Variants in CCDC149 observed in about 807,000 individuals in gnomAD.
CCDC149 encodes coiled-coil domain-containing protein 149.
A neutral mutation model predicts 59.9 loss-of-function variants in CCDC149; 45 were observed. The observed-to-expected ratio is 0.75, with a 90% CI of 0.59 to 0.96. The LOEUF (loss-of-function observed/expected upper bound fraction) is 0.96. Ranked by LOEUF, CCDC149 falls within the 40% of genes least tolerant of loss-of-function variation. The pLI, the probability that CCDC149 is intolerant of heterozygous loss-of-function variation, is 0.00. For missense variants in CCDC149, 584 were observed against 664.7 expected, an observed-to-expected ratio of 0.88 and a Z score of 1.33; for synonymous variants, 245 against 260.6, an observed-to-expected ratio of 0.94 and a Z score of 0.58.
intron 1 of CCDC149, among the ~76,000 whole-genome samples, chr4:24,961,760 T>A (rs965252106): frequency 1.3e-5 from 2 of 152,194 alleles, no homozygotes; most frequent in Non-Finnish European, 2.9e-5. Context: ...TAGCCATATG[T>A]AGAAAGCTGA....
chr4:24,935,466 C>G (rs1457551127), intron 1 of CCDC149, among the ~76,000 whole-genome samples: 1 of 152,094 alleles, frequency 6.6e-6, no homozygotes, highest in African/African-American at 2.4e-5. Context: ...ATGTTAAAAC[C>G]TAACCCCCAA....
chr4:24,840,286 C>T (rs113435663), intron 4 of CCDC149, among the ~76,000 whole-genome samples: 2,081 of 152,226 alleles, frequency 0.014, 52 homozygotes, highest in African/African-American at 0.047. Context: ...TGGAACAGAC[C>T]GTGCAAAGGC....
intron 3 of CCDC149, among the ~76,000 whole-genome samples, chr4:24,871,002 G>A (rs896280402): frequency 1.7e-4 from 24 of 139,328 alleles, no homozygotes; most frequent in East Asian, 1.1e-3. Context: ...CTGAGATAGC[G>A]CCACCGCACT....
At chr4:24,850,885 A>G (rs919353583) in intron 4 of CCDC149, among the ~76,000 whole-genome samples, 3 of 151,964 alleles carry the variant, frequency 2.0e-5, no homozygotes, top group Non-Finnish European at 4.4e-5. Flanking sequence ...GACTCACATG[A>G]GCCTGAAAAT....
intron 1 of CCDC149, among the ~76,000 whole-genome samples, chr4:24,901,533 A>C (rs1460481601): frequency 6.6e-6 from 1 of 152,196 alleles, no homozygotes; most frequent in Non-Finnish European, 1.5e-5. Flanking sequence ...CACAGGAGAG[A>C]ACATGAATCC....
At chr4:24,862,321 GC>G (rs1329687568) in intron 3 of CCDC149, among the ~76,000 whole-genome samples, 8 of 152,200 alleles carry the variant, frequency 5.3e-5, no homozygotes, top group Non-Finnish European at 1.2e-4. Flanking sequence ...CCATGGAGAA[GC>G]ATCTGTAGAA....
rs1714179021 is a variant in CCDC149 at position 24,806,454 on chromosome 4, T to G, written c.*1935A>C. The G allele has an allele frequency of 6.6e-6, 1 of 152,222 alleles. No individual in the cohort carries two copies. Among genetic ancestry groups the G allele is most frequent in the Admixed American group, 6.5e-5 (1 of 15,278 alleles). The allele number at this position is 152,222 out of a possible 1,614,324, so 9.4% of individuals were successfully genotyped here. A position where few individuals can be genotyped will look rare whatever the true frequency, so the allele number is the denominator to read the frequency against. Reference sequence around the variant, plus strand: ...AGGTGCTCAACAGGCCCTGAAGATGTGCATCTGGCCGATGGTGGGTCAAAA... The same window carrying G: ...AGGTGCTCAACAGGCCCTGAAGATGGGCATCTGGCCGATGGTGGGTCAAAA... On this transcript the variant is annotated 3_prime_UTR_variant, in exon 13 of 13. Transcript: ENST00000635206.
chr4:24,950,259 C>T (rs746658859), intron 1 of CCDC149, among the ~76,000 whole-genome samples: 18 of 152,224 alleles, frequency 1.2e-4, no homozygotes, highest in Non-Finnish European at 2.2e-4. Flanking sequence ...CAGTCTTTGC[C>T]ACTTGCTGCC....
At chr4:24,849,645 A>G (rs528021065) in intron 4 of CCDC149, among the ~76,000 whole-genome samples, 2 of 152,354 alleles carry the variant, frequency 1.3e-5, no homozygotes, top group African/African-American at 4.8e-5. Context: ...CTAGCTGAAC[A>G]AATGGAAAAA....
chr4:24,899,586 C>T (rs1300273854), intron 1 of CCDC149, among the ~76,000 whole-genome samples: 13 of 152,088 alleles, frequency 8.5e-5, no homozygotes, highest in South Asian at 4.1e-4. Context: ...AAGCTGTGAA[C>T]GGGAGACCCA....
chr4:24,959,492 A>G (rs929408946), intron 1 of CCDC149, among the ~76,000 whole-genome samples: 3 of 142,030 alleles, frequency 2.1e-5, no homozygotes, highest in Non-Finnish European at 4.5e-5. Context: ...GAAGCAGCAC[A>G]GAAAAAAAAA....
rs1716613565 is a variant in CCDC149, at chr4:24,837,393, G to C, written c.497C>G (p.Ser166Cys). 2 of 1,614,122 alleles carry C rather than the reference G, an allele frequency of 1.2e-6. No homozygotes were observed. The highest frequency in any genetic ancestry group is 1.7e-6 in the Non-Finnish European group (2 of 1,179,984). Reference sequence around the variant, plus strand: ...AGAAGCCTGCAGGTCGTGCTCCAGAGACTCAATCTAAAACCACAGGGAGAG... The same window carrying C: ...AGAAGCCTGCAGGTCGTGCTCCAGACACTCAATCTAAAACCACAGGGAGAG... Residue 166 changes from serine (S) to cysteine (C), a missense_variant, in exon 6 of 13, where the codon TCT (serine) becomes TGT (cysteine). Coordinates refer to ENST00000635206, the MANE Select transcript of CCDC149 (RefSeq NM_001330643.2). The surrounding 1 kb of genome is among the most constrained non-coding windows in gnomAD (Gnocchi z 4.3).
At chr4:24,852,699 G>A (rs182709724) in intron 4 of CCDC149, among the ~76,000 whole-genome samples, 102 of 152,212 alleles carry the variant, frequency 6.7e-4, no homozygotes, top group Non-Finnish European at 1.1e-3. Flanking sequence ...ATTCAAAACC[G>A]AATGTGAATA....
At chr4:24,903,003 C>A (rs1490229388) in intron 1 of CCDC149, among the ~76,000 whole-genome samples, 3 of 102,764 alleles carry the variant, frequency 2.9e-5, no homozygotes, top group African/African-American at 1.2e-4. Context: ...CCAGCCTGGG[C>A]AACAGAGTGA....
chr4:24,808,370 T>C lies in CCDC149; in HGVS notation c.*19A>G. 6.9e-7 allele frequency: 1 copy of C among 1,442,070 alleles called. No individual in the cohort carries two copies. Among genetic ancestry groups the C allele is most frequent in the African/African-American group, 1.4e-5 (1 of 69,768 alleles). The allele number at this position is 1,442,070 out of a possible 1,614,324, so 89.3% of individuals were successfully genotyped here. A position where few individuals can be genotyped will look rare whatever the true frequency, so the allele number is the denominator to read the frequency against. On this transcript the variant is annotated 3_prime_UTR_variant, in exon 13 of 13. Coordinates refer to ENST00000635206, the MANE Select transcript of CCDC149 (RefSeq NM_001330643.2). ...CTCTGGGGCTTTCAATGTGTCATTG[T>C]GTCAGATCCCTCTCCCCTTCAGGTT...
rs899906082 is a variant in CCDC149 at position 24,808,732 on chromosome 4, T to C, written c.1280A>G (p.Asn427Ser). ...CCCGCGGCTCTGATTTGCTGGGGAGTTGACAGCGGGCCTCCCAGCATCCTC... is the reference window on the plus strand; with the variant it reads ...CCCGCGGCTCTGATTTGCTGGGGAGCTGACAGCGGGCCTCCCAGCATCCTC... Residue 427 changes from asparagine to serine, a missense_variant, in exon 13 of 13, where the codon AAC becomes AGC. Transcript: ENST00000635206. The C allele has an allele frequency of 6.4e-6, 10 of 1,551,444 alleles. No individual in the cohort carries two copies. The African/African-American group carries it at 1.4e-4, about 21-fold the overall frequency.
chr4:24,882,501 G>GA (rs1257738980), intron 1 of CCDC149, among the ~76,000 whole-genome samples: 1 of 152,164 alleles, frequency 6.6e-6, no homozygotes, highest in Non-Finnish European at 1.5e-5. Context: ...GAAAAGGAAA[G>GA]AAAGGCATGA....
At chr4:24,971,167 G>A (rs1216484540) in intron 1 of CCDC149, among the ~76,000 whole-genome samples, 1 of 152,194 alleles carries the variant, frequency 6.6e-6, no homozygotes, top group African/African-American at 2.4e-5. Context: ...CCTTACTGAC[G>A]ACCCCCTACA....
At chr4:24,816,021 C>A (rs1714993189) in intron 12 of CCDC149, among the ~76,000 whole-genome samples, 2 of 152,082 alleles carry the variant, frequency 1.3e-5, no homozygotes, top group Admixed American at 1.3e-4. Flanking sequence ...TAGGACAGGA[C>A]TGTAAGTCAA....
Sources: gnomAD v4.1 joint callset for allele counts (sites outside exome capture counted in the v4.1 genomes callset) on GRCh38, gnomAD v4.1.1 for gene constraint, Gnocchi (gnomAD v3.1) non-coding constraint, MANE v1.5 for transcripts, NCBI Gene and HGNC (gene_info 2026-07-23, HGNC 2026-07-21) for gene names.